EPHA7: variants seen among roughly 807,000 people sequenced by gnomAD.
EPHA7 encodes ephrin type-A receptor 7.
EPHA7 carries 25 observed loss-of-function variants against 112.6 expected under a neutral mutation model. The observed-to-expected ratio is 0.22, with a 90% CI of 0.16 to 0.31. The LOEUF is 0.31. Ranked by LOEUF, EPHA7 falls within the 10% of genes least tolerant of loss-of-function variation. EPHA7 has a pLI of 1.00. For missense variants in EPHA7, 962 were observed against 1,212.6 expected (o/e 0.79, Z 3.07); for synonymous variants, 437 against 406.5 (o/e 1.07, Z -0.90).
chr6:93,294,095 G>C (rs1163363025), intron 5 of EPHA7, among the ~76,000 whole-genome samples: 2 of 152,148 alleles, frequency 1.3e-5, no homozygotes, highest in African/African-American at 4.8e-5. Context: ...CGTGCAAGCA[G>C]ACAGGTGCAA....
chr6:93,314,078 T>TC (rs1177729716), intron 5 of EPHA7, among the ~76,000 whole-genome samples: 2 of 152,146 alleles, frequency 1.3e-5, no homozygotes, highest in Non-Finnish European at 2.9e-5. Flanking sequence ...TGTTTTTTTT[T>TC]CTGTTTCATT....
At chr6:93,270,031 T>C (rs146872118) in intron 6 of EPHA7, among the ~76,000 whole-genome samples, 370 of 151,776 alleles carry the variant, frequency 2.4e-3, no homozygotes, top group African/African-American at 8.3e-3. Context: ...TGTAGTTCTC[T>C]TAAGTTTTTT....
rs550669896 is a variant in EPHA7, at chr6:93,282,932, C to T, written c.1325-10510G>A. Among the ~76,000 whole-genome samples the T allele has an allele frequency of 5.0e-4, 76 of 152,290 alleles. 2 individuals carry two copies. In the South Asian group the frequency reaches 0.015, roughly 29 times the overall value. ...GCATGGCCAGAGCCTCCCCGAGGAGCGCTGCCCCCTTCTCCACCGTGCCTA... is the reference window on the plus strand; with the variant it reads ...GCATGGCCAGAGCCTCCCCGAGGAGTGCTGCCCCCTTCTCCACCGTGCCTA... On this transcript the variant is annotated intron_variant, in intron 5 of 16. Coordinates refer to ENST00000369303, the MANE Select transcript of EPHA7 (RefSeq NM_004440.4).
chr6:93,289,925 A>C (rs2127834723), intron 5 of EPHA7, among the ~76,000 whole-genome samples: 1 of 152,252 alleles, frequency 6.6e-6, no homozygotes, highest in Admixed American at 6.5e-5. Context: ...TTGCCTTAAA[A>C]CCGTTTTGGA....
chr6:93,296,113 T>C (rs574150531), intron 5 of EPHA7, among the ~76,000 whole-genome samples: 5 of 151,926 alleles, frequency 3.3e-5, no homozygotes, highest in African/African-American at 1.2e-4. Context: ...TGTGGTTTTC[T>C]ATATAAAACC....
chr6:93,359,920 GAGAT>G (rs1776175002), intron 3 of EPHA7, among the ~76,000 whole-genome samples: 1 of 146,180 alleles, frequency 6.8e-6, no homozygotes, highest in South Asian at 2.2e-4. Context: ...TAGATAGATA[GAGAT>G]AGACAGATAG....
intron 3 of EPHA7, among the ~76,000 whole-genome samples, chr6:93,406,175 G>C (rs1474961516): frequency 6.6e-6 from 1 of 151,138 alleles, no homozygotes; most frequent in African/African-American, 2.4e-5. Context: ...TCATCTGAAA[G>C]AAAAATTTTA....
In EPHA7 at chr6:93,240,495, CA is replaced by C. The variant is rs148905252; in HGVS notation, c.*2930del. 0.01 allele frequency: 2,268 copies of C among 218,914 alleles called. 50 individuals carry two copies. The highest frequency in any genetic ancestry group is 0.047 in the African/African-American group (2,087 of 44,674). 13.6% of individuals were successfully genotyped at this position (218,914 alleles called of 1,614,324 possible). A position where few individuals can be genotyped will look rare whatever the true frequency, so the allele number is the denominator to read the frequency against. On this transcript the variant is annotated 3_prime_UTR_variant, in exon 17 of 17. Coordinates refer to ENST00000369303, the MANE Select transcript of EPHA7 (RefSeq NM_004440.4). ...TATGATTCAACTAATAGTGCTCTGA[CA>C]AGCATAAACCACCAGTTCTAGTAAA... is the stretch of plus-strand genomic sequence containing the variant.
intron 5 of EPHA7, among the ~76,000 whole-genome samples, chr6:93,298,613 C>T (rs1234030762): frequency 6.6e-6 from 1 of 152,036 alleles, no homozygotes; most frequent in African/African-American, 2.4e-5. Flanking sequence ...ACATACACTG[C>T]CAATAAGGAT....
intron 15 of EPHA7, 105 bp downstream of exon 15, chr6:93,246,686 CG>C: frequency 1.1e-6 from 1 of 946,936 alleles, no homozygotes. Context: ...TGAGTTTATA[CG>C]TCAACACAAA....
At chr6:93,301,730 C>G (rs1185090282) in intron 5 of EPHA7, among the ~76,000 whole-genome samples, 1 of 152,162 alleles carries the variant, frequency 6.6e-6, no homozygotes, top group Admixed American at 6.6e-5. Context: ...GCTCCCTATA[C>G]TTACAGCATA....
intron 5 of EPHA7, among the ~76,000 whole-genome samples, chr6:93,319,071 T>C (rs1239883669): frequency 1.3e-5 from 2 of 152,088 alleles, no homozygotes; most frequent in Non-Finnish European, 2.9e-5. Flanking sequence ...ATCACTCTTA[T>C]AAGCGTTTAG....
chr6:93,264,275 A>G lies in EPHA7; in HGVS notation c.1742+319T>C, dbSNP rs1770826187. Among the ~76,000 whole-genome samples, 4 of 151,514 alleles carry G rather than the reference A, an allele frequency of 2.6e-5. No homozygotes were observed. The Admixed American group carries it at 2.6e-4, about 10-fold the overall frequency. On this transcript the variant is annotated intron_variant, in intron 8 of 16. Transcript: ENST00000369303. ...AAGAAAAACTTTTTAAATGGTGTCC[A>G]CAAACATTTAATAGCTAAAAGAGTA... is the stretch of plus-strand genomic sequence containing the variant.
intron 3 of EPHA7, among the ~76,000 whole-genome samples, chr6:93,361,867 A>G (rs1776277107): frequency 6.6e-6 from 1 of 152,188 alleles, no homozygotes; most frequent in South Asian, 2.1e-4. Context: ...TATGTACCCT[A>G]TGGATAAAGT....
chr6:93,297,461 C>T (rs1006233342), intron 5 of EPHA7, among the ~76,000 whole-genome samples: 2 of 152,136 alleles, frequency 1.3e-5, no homozygotes, highest in South Asian at 2.1e-4. Context: ...CACCAAACCA[C>T]ATTTCATAAG....
chr6:93,276,666 T>C (rs1771487157), intron 5 of EPHA7, among the ~76,000 whole-genome samples: 1 of 152,086 alleles, frequency 6.6e-6, no homozygotes, highest in South Asian at 2.1e-4. Context: ...GAAATTTTTA[T>C]GAAATTATGA....
At chr6:93,371,429 A>G (rs1351327406) in intron 3 of EPHA7, among the ~76,000 whole-genome samples, 1 of 152,168 alleles carries the variant, frequency 6.6e-6, no homozygotes, top group East Asian at 1.9e-4. Context: ...AATACTATAT[A>G]TGCCATTTTA....
chr6:93,280,514 A>G (rs983697262), intron 5 of EPHA7, among the ~76,000 whole-genome samples: 4 of 152,196 alleles, frequency 2.6e-5, no homozygotes, highest in African/African-American at 9.6e-5. Context: ...TGGCTACACA[A>G]TGTGTCATTC....
chr6:93,412,848 T>A (rs1327641239), intron 2 of EPHA7, among the ~76,000 whole-genome samples: 4 of 152,054 alleles, frequency 2.6e-5, no homozygotes. Context: ...AGCCTAAGAA[T>A]TCCTTTATCT....
Sources: gnomAD v4.1 joint callset for allele counts (sites outside exome capture counted in the v4.1 genomes callset) on GRCh38, gnomAD v4.1.1 for gene constraint, MANE v1.5 for transcripts, NCBI Gene and HGNC (gene_info 2026-07-23, HGNC 2026-07-21) for gene names.